Variants in KREMEN1 observed in about 807,000 individuals in gnomAD.
KREMEN1 encodes the protein kringle containing transmembrane protein 1, also known as kremen protein 1.
A neutral mutation model predicts 46.5 loss-of-function variants in KREMEN1; 30 were observed. The observed-to-expected ratio is 0.65, with a 90% CI of 0.48 to 0.88. The LOEUF (loss-of-function observed/expected upper bound fraction) is 0.88, where lower values mean the gene tolerates loss of function less well. Ranked by LOEUF, KREMEN1 falls within the 40% of genes least tolerant of loss-of-function variation. The pLI is 0.00. For synonymous variants in KREMEN1, 214 were observed against 230.6 expected, an observed-to-expected ratio of 0.93 and a Z score of 0.65; for missense variants, 533 against 596.9, an observed-to-expected ratio of 0.89 and a Z score of 1.11.
chr22:29,098,843 G>C lies in KREMEN1; in HGVS notation c.261-19G>C, dbSNP rs1005886391. The C allele has an allele frequency of 6.3e-7, 1 of 1,587,412 alleles. No individual in the cohort carries two copies. The highest frequency in any genetic ancestry group is 1.7e-5 in the Admixed American group (1 of 59,966). On this transcript the variant is annotated intron_variant, in intron 2 of 8. Coordinates refer to ENST00000400335, the MANE Select transcript of KREMEN1 (RefSeq NM_001039570.3). ...ATTAAAACATCAGAAGTCATCAATT[G>C]TGTCCTTTTCCCCAACAGAAATCCA... is the stretch of plus-strand genomic sequence containing the variant.
chr22:29,165,832 G>A (rs1299916211), intron 9 of KREMEN1, among the ~76,000 whole-genome samples: 1 of 152,186 alleles, frequency 6.6e-6, no homozygotes, highest in East Asian at 1.9e-4. Flanking sequence ...GGTCCCTAGG[G>A]GGACTTGCAT....
intron 3 of KREMEN1, among the ~76,000 whole-genome samples, chr22:29,107,412 G>A (rs974405245): frequency 5.3e-5 from 8 of 151,692 alleles, no homozygotes; most frequent in Non-Finnish European, 8.8e-5. Flanking sequence ...TAGTAGAGAC[G>A]GGGTTCACCA....
intron 9 of KREMEN1, among the ~76,000 whole-genome samples, chr22:29,160,539 C>A (rs1376093030): frequency 4.9e-4 from 51 of 103,474 alleles, no homozygotes; most frequent in South Asian, 2.5e-3. Context: ...GACTCCGTCT[C>A]AAAAAAAAAA....
intron 5 of KREMEN1, among the ~76,000 whole-genome samples, chr22:29,129,982 A>G (rs531998281): frequency 6.6e-6 from 1 of 152,346 alleles, no homozygotes; most frequent in African/African-American, 2.4e-5. Flanking sequence ...GGGTTACAGG[A>G]ACTACCCAGG....
Position 29,142,351 on chromosome 22 carries a change from C to G in KREMEN1, c.*239C>G. 8.3e-7 allele frequency: 1 copy of G among 1,207,086 alleles called. No homozygotes were observed. The highest frequency in any genetic ancestry group is 1.0e-6 in the Non-Finnish European group (1 of 971,322). 74.8% of individuals were successfully genotyped at this position (1,207,086 alleles called of 1,614,324 possible). A position where few individuals can be genotyped will look rare whatever the true frequency, so the allele number is the denominator to read the frequency against. On this transcript the variant is annotated 3_prime_UTR_variant, in exon 9 of 9. Coordinates refer to ENST00000400335, the MANE Select transcript of KREMEN1 (RefSeq NM_001039570.3). ...GAGAGAGACTCAAAGCCCTGGGGCC[C>G]GGCCCTCTCTGCATCTCTCTCTGAT...
intron 4 of KREMEN1, among the ~76,000 whole-genome samples, chr22:29,123,805 CAAAG>C (rs751171074): frequency 9.2e-5 from 14 of 151,996 alleles, no homozygotes; most frequent in Admixed American, 3.9e-4. Flanking sequence ...CAAAAGAAAA[CAAAG>C]AAAGAAAAAG....
chr22:29,138,897 G>C, intron 7 of KREMEN1, 115 bp downstream of exon 7: 1 of 1,437,610 alleles, frequency 7.0e-7, no homozygotes, highest in Non-Finnish European at 9.8e-7. Context: ...AGGCAGGTTG[G>C]GATACTGGCT....
At chr22:29,076,416 G>T (rs1343099598) in intron 1 of KREMEN1, among the ~76,000 whole-genome samples, 1 of 152,184 alleles carries the variant, frequency 6.6e-6, no homozygotes, top group East Asian at 1.9e-4. Context: ...TAAGCGACAT[G>T]GGGGCTGAAG....
At chr22:29,100,094 CT>C (rs71196622) in intron 3 of KREMEN1, among the ~76,000 whole-genome samples, 75,430 of 118,128 alleles carry the variant, frequency 0.64, 22,722 homozygotes, top group African/African-American at 0.8. Flanking sequence ...CTTGACTAGT[CT>C]TTTTTTTTTT....
chr22:29,141,802 AGTCCT>A, intron 8 of KREMEN1, 137 bp from the exon 9 acceptor site: 1 of 535,566 alleles, frequency 1.9e-6, no homozygotes, highest in East Asian at 3.4e-5. Flanking sequence ...GTTGCACGCT[AGTCCT>A]TCAGATCTTT....
At chr22:29,137,850 C>G (rs2038695794) in intron 6 of KREMEN1, among the ~76,000 whole-genome samples, 176 bp downstream of exon 6, 2 of 152,146 alleles carry the variant, frequency 1.3e-5, no homozygotes, top group Admixed American at 1.3e-4. Context: ...TTTCATAACT[C>G]ATTTATGTTT....
intron 1 of KREMEN1, among the ~76,000 whole-genome samples, chr22:29,090,349 A>G (rs2145754894): frequency 6.6e-6 from 1 of 152,290 alleles, no homozygotes; most frequent in South Asian, 2.1e-4. Flanking sequence ...ATGAACACAA[A>G]GAAGGAAACA....
intron 2 of KREMEN1, among the ~76,000 whole-genome samples, chr22:29,097,417 A>T (rs2145768529): frequency 6.6e-6 from 1 of 152,328 alleles, no homozygotes; most frequent in African/African-American, 2.4e-5. Context: ...GCTTTAAAAA[A>T]TATTATCTCC....
At chr22:29,165,560 C>T (rs929151051) in intron 9 of KREMEN1, among the ~76,000 whole-genome samples, 1 of 152,186 alleles carries the variant, frequency 6.6e-6, no homozygotes, top group African/African-American at 2.4e-5. Context: ...GGCTGCCGCC[C>T]ACCACGTGTT....
intron 5 of KREMEN1, among the ~76,000 whole-genome samples, chr22:29,131,414 G>A (rs2038530524): frequency 1.3e-5 from 2 of 149,890 alleles, no homozygotes; most frequent in East Asian, 1.9e-4. Flanking sequence ...ATAAGCAATC[G>A]AGATTAGGAC....
chr22:29,137,654 G>A lies in KREMEN1; in HGVS notation c.944G>A (p.Gly315Glu). 6.3e-7 allele frequency: 1 copy of A among 1,595,784 alleles called. No individual in the cohort carries two copies. The highest frequency in any genetic ancestry group is 8.6e-7 in the Non-Finnish European group (1 of 1,164,750). ...FFSDRINQAQ[G>E]FAVLYQAVKE... ...TCTGATCGCATCAATCAGGCCCAGG[G>A]ATTTGCTGTTTTATACCAAGGTAAG... Residue 315 changes from glycine (G) to glutamate (E), a missense_variant, in exon 6 of 9, where the codon GGA becomes GAA. By Grantham distance (98) the Gly-to-Glu change is moderately conservative. Coordinates refer to ENST00000400335, the MANE Select transcript of KREMEN1 (RefSeq NM_001039570.3).
chr22:29,133,481 T>C (rs539906628), intron 5 of KREMEN1, among the ~76,000 whole-genome samples: 6 of 151,900 alleles, frequency 3.9e-5, no homozygotes, highest in Admixed American at 3.9e-4. Flanking sequence ...TTTAATTTTG[T>C]ATAGAGATAG....
intron 5 of KREMEN1, among the ~76,000 whole-genome samples, chr22:29,131,523 CATATATATATAT>C (rs148738725): frequency 1.1e-3 from 101 of 93,616 alleles, no homozygotes; most frequent in East Asian, 7.6e-3. Context: ...GTATTCTGTT[CATATATATATAT>C]ATATATATAT....
intron 9 of KREMEN1, among the ~76,000 whole-genome samples, chr22:29,164,441 A>G (rs941570656): frequency 2.0e-5 from 3 of 152,232 alleles, no homozygotes; most frequent in Non-Finnish European, 4.4e-5. Context: ...GACTACACAC[A>G]TGCATTTGTC....
Sources: gnomAD v4.1 joint callset for allele counts (sites outside exome capture counted in the v4.1 genomes callset) on GRCh38, gnomAD v4.1.1 for gene constraint, MANE v1.5 for transcripts, NCBI Gene and HGNC (gene_info 2026-07-23, HGNC 2026-07-21) for gene names.